MICAL3: variants seen among roughly 807,000 people sequenced by gnomAD.
The protein encoded by MICAL3 is microtubule associated monooxygenase, calponin and LIM domain containing 3, also known as [F-actin]-monooxygenase MICAL3.
In MICAL3, 62 loss-of-function variants were observed where a neutral mutation model predicts 207.4. The ratio of observed to expected loss-of-function variants is 0.30; its 90% CI spans 0.24 to 0.37. The LOEUF (loss-of-function observed/expected upper bound fraction) is 0.37. Ranked by LOEUF, MICAL3 falls within the 10% of genes least tolerant of loss-of-function variation. The probability of loss-of-function intolerance (pLI) is 1.00; values close to 1 mark genes in which losing one functional copy is unlikely to be tolerated. For synonymous variants in MICAL3, 1,077 were observed against 1,069.3 expected, an observed-to-expected ratio of 1.01 and a Z score of -0.14; for missense variants, 2,368 against 2,635.6, an observed-to-expected ratio of 0.90 and a Z score of 2.22.
At chr22:17,907,671 G>C (rs1233712301) in intron 1 of MICAL3, among the ~76,000 whole-genome samples, 2 of 152,208 alleles carry the variant, frequency 1.3e-5, no homozygotes, top group African/African-American at 4.8e-5. Context: ...AAGAGATCCA[G>C]GAGGCCCCAC....
intron 16 of MICAL3, among the ~76,000 whole-genome samples, chr22:17,880,279 G>C (rs1929300308): frequency 6.6e-6 from 1 of 152,186 alleles, no homozygotes; most frequent in African/African-American, 2.4e-5. Flanking sequence ...CTCCTCCCTG[G>C]TAAAACGGAG....
chr22:17,948,287 C>T (rs985345911), intron 1 of MICAL3, among the ~76,000 whole-genome samples: 2 of 152,252 alleles, frequency 1.3e-5, no homozygotes, highest in African/African-American at 4.8e-5. Flanking sequence ...AGTGCCGCCA[C>T]AATCTTGCTG....
intron 1 of MICAL3, among the ~76,000 whole-genome samples, chr22:17,938,069 A>G (rs936478188): frequency 3.3e-5 from 5 of 152,134 alleles, no homozygotes; most frequent in African/African-American, 1.2e-4. Context: ...AAATTTTTTT[A>G]AAGTGTCAAG....
Position 17,817,503 on chromosome 22 carries a change from G to A in MICAL3, c.5158C>T (p.Pro1720Ser). 1 of 1,613,640 alleles carries A rather than the reference G, an allele frequency of 6.2e-7. No homozygotes were observed. The highest frequency in any genetic ancestry group is 1.1e-5 in the South Asian group (1 of 91,066). Residue 1720 changes from proline (P) to serine (S), a missense_variant, in exon 26 of 32, where the codon CCC becomes TCC. Pro to Ser is a moderately conservative substitution (Grantham distance 74). This residue lies in a region of MICAL3 where 1,770 missense variants were observed against 1,863.2 expected (regional missense o/e 0.95). Transcript: ENST00000441493. ...AGGTTGGAGCTGGGCTTCTCCGGGG[G>A]CCGGCCCTCGCCTTTGGACTTCTTC... ...KEKKSKGEGR[P>S]PEKPSSNLLE...
intron 1 of MICAL3, among the ~76,000 whole-genome samples, chr22:17,982,702 T>TAAC (rs1032019441): frequency 1.4e-5 from 2 of 146,178 alleles, no homozygotes; most frequent in African/African-American, 5.1e-5. Flanking sequence ...TAACATAACA[T>TAAC]AACATAACAT....
chr22:17,945,516 C>A (rs1484681216), intron 1 of MICAL3, among the ~76,000 whole-genome samples: 1 of 152,202 alleles, frequency 6.6e-6, no homozygotes, highest in African/African-American at 2.4e-5. Context: ...GACCTTCACC[C>A]ATTCACATTC....
chr22:18,006,065 T>C (rs185622628), intron 1 of MICAL3: 1 of 152,334 alleles, frequency 6.6e-6, no homozygotes, highest in East Asian at 1.9e-4. Context: ...CTCACTCCCA[T>C]AGCTCTCTCT....
At chr22:17,877,574 T>C (rs796191718) in intron 16 of MICAL3, among the ~76,000 whole-genome samples, 2 of 130,260 alleles carry the variant, frequency 1.5e-5, no homozygotes, top group Non-Finnish European at 3.3e-5. Context: ...TTAGGGAGGT[T>C]AGGGAAGTTA....
chr22:17,980,734 CCA>C lies in MICAL3; in HGVS notation c.-75+43545_-75+43546del, dbSNP rs755969657. 182 of 440,874 alleles carry C rather than the reference CCA, an allele frequency of 4.1e-4. 2 individuals carry two copies. The highest frequency in any genetic ancestry group is 2.7e-3 in the African/African-American group (138 of 50,746). 27.3% of individuals were successfully genotyped at this position (440,874 alleles called of 1,614,324 possible). A position where few individuals can be genotyped will look rare whatever the true frequency, so the allele number is the denominator to read the frequency against. On this transcript the variant is annotated intron_variant, in intron 1 of 31. Coordinates refer to ENST00000441493, the MANE Select transcript of MICAL3 (RefSeq NM_015241.3). Reference sequence around the variant, plus strand: ...AGCCACACCCACTTTCTCCAGAGTGCCACAGTTTCCGTCTTATCATTCCGCCC... The same window carrying C: ...AGCCACACCCACTTTCTCCAGAGTGCCAGTTTCCGTCTTATCATTCCGCCC...
chr22:17,921,705 T>C (rs1932803721), intron 1 of MICAL3, among the ~76,000 whole-genome samples: 1 of 152,110 alleles, frequency 6.6e-6, no homozygotes, highest in African/African-American at 2.4e-5. Flanking sequence ...GCCAGGCTAG[T>C]CTCGAACTCT....
chr22:17,928,638 A>G (rs1369371350), intron 1 of MICAL3, among the ~76,000 whole-genome samples: 2 of 152,174 alleles, frequency 1.3e-5, no homozygotes, highest in Non-Finnish European at 2.9e-5. Flanking sequence ...TGGTGGACAC[A>G]TTCACTCCTT....
intron 1 of MICAL3, among the ~76,000 whole-genome samples, chr22:17,973,133 C>T (rs1416913934): frequency 2.6e-5 from 4 of 152,224 alleles, no homozygotes. Context: ...AGTAAGCCTC[C>T]TTCACCACCC....
intron 29 of MICAL3, among the ~76,000 whole-genome samples, chr22:17,804,863 T>G (rs903211567): frequency 7.9e-5 from 12 of 152,194 alleles, no homozygotes; most frequent in East Asian, 1.9e-4. Flanking sequence ...TTTCAATGCA[T>G]GCTCAAGGCT....
intron 1 of MICAL3, among the ~76,000 whole-genome samples, chr22:17,969,925 G>A (rs1935324238): frequency 3.9e-5 from 6 of 152,196 alleles, no homozygotes; most frequent in Admixed American, 3.9e-4. Flanking sequence ...AGGGCCTCAT[G>A]AGGTCACGTC....
chr22:17,789,807 C>A lies in MICAL3; in HGVS notation c.*925G>T, dbSNP rs1177505374. The A allele has an allele frequency of 6.6e-6, 1 of 152,228 alleles. No homozygotes were observed. The highest frequency in any genetic ancestry group is 6.5e-5 in the Admixed American group (1 of 15,286). The allele number at this position is 152,228 out of a possible 1,614,324, so 9.4% of individuals were successfully genotyped here. A position where few individuals can be genotyped will look rare whatever the true frequency, so the allele number is the denominator to read the frequency against. On this transcript the variant is annotated 3_prime_UTR_variant, in exon 32 of 32. Coordinates refer to ENST00000441493, the MANE Select transcript of MICAL3 (RefSeq NM_015241.3). ...ATACACAAACGAAGTTACTTCTTTT[C>A]AAGTATTAAAAAATAAGTTAATTGA...
At chr22:17,863,267 T>C (rs1926710876) in intron 19 of MICAL3, 2 of 985,314 alleles carry the variant, frequency 2.0e-6, no homozygotes, top group East Asian at 1.1e-4. Context: ...CAAACCGAAA[T>C]GGAAAGTTTA....
intron 17 of MICAL3, among the ~76,000 whole-genome samples, chr22:17,868,017 AT>A (rs1424053356): frequency 1.3e-5 from 2 of 152,204 alleles, no homozygotes. Context: ...AGAGGTTTAC[AT>A]TTCAGAAACA....
At chr22:18,007,512 C>A (rs181699174) in intron 1 of MICAL3, among the ~76,000 whole-genome samples, 1 of 150,922 alleles carries the variant, frequency 6.6e-6, no homozygotes, top group African/African-American at 2.4e-5. Flanking sequence ...TTCACTGCAG[C>A]CTTGCACTCC....
chr22:17,934,086 CAACAGA>C (rs748809502), intron 1 of MICAL3, among the ~76,000 whole-genome samples: 2 of 152,166 alleles, frequency 1.3e-5, no homozygotes, highest in Non-Finnish European at 2.9e-5. Context: ...CTATTCCAAT[CAACAGA>C]AAAAGAGGGA....
Sources: allele counts gnomAD v4.1 joint callset (sites outside exome capture counted in the v4.1 genomes callset), GRCh38; gene constraint gnomAD v4.1.1; regional missense constraint gnomAD v4.1.1; transcripts MANE v1.5; gene names NCBI Gene and HGNC (gene_info 2026-07-23, HGNC 2026-07-21).